Variants in SMARCC1 observed in about 807,000 individuals in gnomAD.
The protein encoded by SMARCC1 is SWI/SNF related BAF chromatin remodeling complex subunit C1, also known as SWI/SNF complex subunit SMARCC1.
A neutral mutation model predicts 147.4 loss-of-function variants in SMARCC1; 43 were observed. The ratio of observed to expected loss-of-function variants is 0.29; its 90% confidence interval spans 0.23 to 0.38. The LOEUF (loss-of-function observed/expected upper bound fraction) is 0.38. Ranked by LOEUF, SMARCC1 falls within the 10% of genes least tolerant of loss-of-function variation. SMARCC1 has a pLI of 1.00. For synonymous variants in SMARCC1, 495 were observed against 484.4 expected, an observed-to-expected ratio of 1.02 and a Z score of -0.29; for missense variants, 1,119 against 1,381.1, an observed-to-expected ratio of 0.81 and a Z score of 3.01.
intron 7 of SMARCC1, among the ~76,000 whole-genome samples, chr3:47,719,636 G>A (rs1248045673): frequency 6.6e-6 from 1 of 152,082 alleles, no homozygotes; most frequent in Non-Finnish European, 1.5e-5. Context: ...CCAGGAGGTG[G>A]AGGTTGCAGT....
At chr3:47,642,736 G>A (rs1157038863) in intron 21 of SMARCC1, among the ~76,000 whole-genome samples, 2 of 152,068 alleles carry the variant, frequency 1.3e-5, no homozygotes, top group African/African-American at 2.4e-5. Flanking sequence ...TAGTACATAT[G>A]CTTTGGGAAA....
chr3:47,668,587 G>C (rs567090126), intron 19 of SMARCC1, among the ~76,000 whole-genome samples: 1 of 152,262 alleles, frequency 6.6e-6, no homozygotes, highest in African/African-American at 2.4e-5. Context: ...AAGACTTTAT[G>C]AAACAAGGTC....
intron 14 of SMARCC1, among the ~76,000 whole-genome samples, chr3:47,681,946 G>C (rs2033649262): frequency 6.6e-6 from 1 of 152,052 alleles, no homozygotes; most frequent in Non-Finnish European, 1.5e-5. Flanking sequence ...CATGTAGTGT[G>C]ACATGCAAAG....
chr3:47,711,223 C>G (rs2034081125), intron 8 of SMARCC1, among the ~76,000 whole-genome samples: 1 of 152,202 alleles, frequency 6.6e-6, no homozygotes, highest in African/African-American at 2.4e-5. Flanking sequence ...GGCCGATCAC[C>G]TGCCCCATCA....
intron 1 of SMARCC1, among the ~76,000 whole-genome samples, chr3:47,773,947 A>T (rs1317195625): frequency 1.3e-5 from 2 of 152,178 alleles, no homozygotes; most frequent in East Asian, 3.8e-4. Flanking sequence ...AAGTATTTTT[A>T]AACCTCCAAT....
intron 22 of SMARCC1, among the ~76,000 whole-genome samples, chr3:47,637,019 C>T (rs192727905): frequency 3.0e-4 from 45 of 152,218 alleles, no homozygotes; most frequent in African/African-American, 1.0e-3. Flanking sequence ...ACTGAAAAAA[C>T]CGCAACTGAC....
At chr3:47,612,160 A>C (rs2032573436) in intron 25 of SMARCC1, among the ~76,000 whole-genome samples, 1 of 152,210 alleles carries the variant, frequency 6.6e-6, no homozygotes, top group Non-Finnish European at 1.5e-5. Flanking sequence ...ATCTTCTGGA[A>C]GTCCAGTTCT....
chr3:47,776,907 T>C (rs1282469849), intron 1 of SMARCC1, among the ~76,000 whole-genome samples: 2 of 151,958 alleles, frequency 1.3e-5, no homozygotes, highest in Non-Finnish European at 2.9e-5. Flanking sequence ...ACCGAGTACC[T>C]GGGATTACAG....
intron 3 of SMARCC1, among the ~76,000 whole-genome samples, chr3:47,745,082 A>ACT (rs1419832787): frequency 8.5e-5 from 13 of 152,148 alleles, no homozygotes; most frequent in African/African-American, 3.1e-4. Flanking sequence ...AGCCTGGCCA[A>ACT]CATGGTGAAA....
chr3:47,763,315 T>C (rs993658419), intron 2 of SMARCC1, among the ~76,000 whole-genome samples: 30 of 150,748 alleles, frequency 2.0e-4, no homozygotes, highest in African/African-American at 6.3e-4. Context: ...CCCAGCCCTT[T>C]TGGGTCAACA....
chr3:47,740,178 CTTTTTTTTTTTTT>C (rs34523367), intron 3 of SMARCC1, among the ~76,000 whole-genome samples: 443 of 35,746 alleles, frequency 0.012, 7 homozygotes, highest in Middle Eastern at 0.038. Flanking sequence ...GCCCGGCCAT[CTTTTTTTTTTTTT>C]TTTTTTTTTT....
intron 7 of SMARCC1, among the ~76,000 whole-genome samples, chr3:47,716,949 A>G (rs188336452): frequency 6.6e-6 from 1 of 152,296 alleles, no homozygotes; most frequent in African/African-American, 2.4e-5. Context: ...GTAAAAAACT[A>G]ATCCTTAGGG....
intron 19 of SMARCC1, among the ~76,000 whole-genome samples, chr3:47,666,319 G>A (rs2033419373): frequency 6.6e-6 from 1 of 152,138 alleles, no homozygotes; most frequent in African/African-American, 2.4e-5. Flanking sequence ...TACAGCTCTT[G>A]TGCTCTGGAC....
intron 2 of SMARCC1, among the ~76,000 whole-genome samples, chr3:47,772,379 C>G (rs2034924995): frequency 6.6e-6 from 1 of 152,320 alleles, no homozygotes; most frequent in African/African-American, 2.4e-5. Context: ...GGCAACAGAA[C>G]AAGATCCTGT....
intron 6 of SMARCC1, among the ~76,000 whole-genome samples, chr3:47,722,274 A>C (rs1267268164): frequency 1.4e-5 from 2 of 145,822 alleles, no homozygotes; most frequent in Non-Finnish European, 3.0e-5. Context: ...ACCACAGCTG[A>C]CTTTTGATAC....
intron 11 of SMARCC1, among the ~76,000 whole-genome samples, chr3:47,697,604 G>T (rs1246726803): frequency 6.8e-6 from 1 of 147,976 alleles, no homozygotes; most frequent in Admixed American, 6.8e-5. Context: ...ACCTGGCCTT[G>T]ACCCTGACTC....
At chr3:47,743,860 G>A (rs1311837154) in intron 3 of SMARCC1, among the ~76,000 whole-genome samples, 2 of 150,656 alleles carry the variant, frequency 1.3e-5, no homozygotes, top group East Asian at 3.9e-4. Context: ...CAGACACAAA[G>A]CAAGTTCCAC....
Position 47,700,761 on chromosome 3 carries a change from G to A in SMARCC1, c.1165+517C>T, listed in dbSNP as rs141430106. 9.9e-3 allele frequency among the ~76,000 whole-genome samples: 1,510 copies of A among 152,264 alleles called. 13 individuals carry two copies. Among genetic ancestry groups the A allele is most frequent in the East Asian group, 0.017 (88 of 5,176 alleles). On this transcript the variant is annotated intron_variant, in intron 11 of 27. Transcript: ENST00000254480. ...GCTGGTCTTGAACTCCTAACCTCAA[G>A]TGATCTGTCTGCTTTGGTCTCCCCA...
intron 15 of SMARCC1, 45 bp downstream of exon 15, chr3:47,680,392 C>A (rs781641577): frequency 7.5e-7 from 1 of 1,332,192 alleles, no homozygotes; most frequent in Non-Finnish European, 1.1e-6. Flanking sequence ...AGAGCCCCTA[C>A]CGCACACAGG....
Sources: gnomAD v4.1 joint callset for allele counts (sites outside exome capture counted in the v4.1 genomes callset) on GRCh38, gnomAD v4.1.1 for gene constraint, MANE v1.5 for transcripts, NCBI Gene and HGNC (gene_info 2026-07-23, HGNC 2026-07-21) for gene names.